The following BICRA variants were observed in gnomAD, a reference collection of about 807,000 sequenced individuals.
BICRA encodes BRD4 interacting chromatin remodeling complex associated protein.
Under a neutral mutation model 96.9 loss-of-function variants are expected in BICRA, and 31 were observed. The ratio of observed to expected loss-of-function variants is 0.32; its 90% CI spans 0.24 to 0.43. BICRA has a LOEUF of 0.43. Among genes scored for constraint, BICRA ranks in the 20% least tolerant of loss-of-function variants. The pLI, the probability that BICRA is intolerant of heterozygous loss-of-function variation, is 1.00. For synonymous variants in BICRA, 1,350 were observed against 1,071.8 expected (o/e 1.26, Z -5.07); for missense variants, 2,283 against 2,190.3 (o/e 1.04, Z -0.84).
chr19:47,613,879 A>G (rs1599777612), intron 1 of BICRA, among the ~76,000 whole-genome samples: 1 of 151,802 alleles, frequency 6.6e-6, no homozygotes, highest in East Asian at 1.9e-4. Context: ...AGGCATTTCT[A>G]GTTTGGTGAC....
At chr19:47,639,580 G>A (rs1229179805) in intron 1 of BICRA, among the ~76,000 whole-genome samples, 1 of 148,912 alleles carries the variant, frequency 6.7e-6, no homozygotes, top group African/African-American at 2.5e-5. Context: ...CGCCCGTCTT[G>A]GCCTCCCAAA....
intron 1 of BICRA, among the ~76,000 whole-genome samples, chr19:47,623,976 C>T (rs77358744): frequency 0.039 from 5,998 of 151,944 alleles, 351 homozygotes; most frequent in African/African-American, 0.13. Context: ...CTCAGCTCCC[C>T]GAGTAGCTGG....
intron 5 of BICRA, among the ~76,000 whole-genome samples, chr19:47,677,629 A>T (rs1972961598): frequency 6.6e-6 from 1 of 152,138 alleles, no homozygotes; most frequent in Non-Finnish European, 1.5e-5. Context: ...TCGTGGGCGG[A>T]GATTGTGGTG....
intron 7 of BICRA, among the ~76,000 whole-genome samples, chr19:47,691,156 A>C (rs776575929): frequency 1.3e-5 from 2 of 152,212 alleles, no homozygotes; most frequent in Non-Finnish European, 2.9e-5. Flanking sequence ...TCCCACGCTC[A>C]CTTGTGTGGC....
intron 1 of BICRA, among the ~76,000 whole-genome samples, chr19:47,655,237 C>T (rs1349769918): frequency 6.6e-6 from 1 of 151,924 alleles, no homozygotes; most frequent in Non-Finnish European, 1.5e-5. Context: ...TAAAATGTCC[C>T]CAGTTTGGCC....
intron 2 of BICRA, among the ~76,000 whole-genome samples, chr19:47,671,696 T>C (rs1394316142): frequency 7.6e-6 from 1 of 131,470 alleles, no homozygotes; most frequent in Non-Finnish European, 1.6e-5. Context: ...GGTAGAAGGA[T>C]GGAGGGATGG....
At position 47,677,435 on chromosome 19, in the gene BICRA, G is replaced by A. The variant is rs1296760921; in HGVS notation, c.150+1519G>A. Among the ~76,000 whole-genome samples, 6 of 152,190 alleles carry A rather than the reference G, an allele frequency of 3.9e-5. No homozygotes were observed. The East Asian group carries it at 7.7e-4, about 20-fold the overall frequency. On this transcript the variant is annotated intron_variant, in intron 5 of 14. Coordinates refer to ENST00000594866, the MANE Select transcript of BICRA (RefSeq NM_001394372.1). ...ATTGAGGCTGGGCACGGTGGCTCAC[G>A]CCTGTAATCCCAGCACTTTGGGAGG...
intron 1 of BICRA, among the ~76,000 whole-genome samples, chr19:47,669,324 A>G (rs1436389415): frequency 2.0e-5 from 3 of 152,162 alleles, no homozygotes; most frequent in African/African-American, 7.2e-5. Flanking sequence ...AGAAACGCAT[A>G]TAAGTCAAGG....
chr19:47,637,571 G>T (rs1428986884), intron 1 of BICRA, among the ~76,000 whole-genome samples: 1 of 152,166 alleles, frequency 6.6e-6, no homozygotes, highest in Admixed American at 6.6e-5. Flanking sequence ...ATCCAGCCAT[G>T]TAAAGGGTAC....
At chr19:47,620,567 C>A (rs866114091) in intron 1 of BICRA, among the ~76,000 whole-genome samples, 47 of 144,476 alleles carry the variant, frequency 3.3e-4, no homozygotes, top group Admixed American at 1.5e-4. Context: ...ACTTGGGAAG[C>A]TGAGAGGTGG....
chr19:47,625,541 C>G (rs1244595026), intron 1 of BICRA, among the ~76,000 whole-genome samples: 1 of 152,144 alleles, frequency 6.6e-6, no homozygotes, highest in African/African-American at 2.4e-5. Flanking sequence ...AAACCCCTAA[C>G]TGATACTGAA....
intron 1 of BICRA, among the ~76,000 whole-genome samples, chr19:47,650,166 C>G (rs1330361055): frequency 6.6e-6 from 1 of 151,962 alleles, no homozygotes; most frequent in Non-Finnish European, 1.5e-5. Context: ...GAGTCTTGCT[C>G]TGTCACCTAG....
Position 47,694,147 on chromosome 19 carries a change from C to T in BICRA, c.2316C>T (p.Gly772=), listed in dbSNP as rs1468788971. 2 of 1,498,064 alleles carry T rather than the reference C, an allele frequency of 1.3e-6. No individual in the cohort carries two copies. Among genetic ancestry groups the T allele is most frequent in the Non-Finnish European group, 1.8e-6 (2 of 1,118,100 alleles). 92.8% of individuals were successfully genotyped at this position (1,498,064 alleles called of 1,614,324 possible). A position where few individuals can be genotyped will look rare whatever the true frequency, so the allele number is the denominator to read the frequency against. Residue 772 remains glycine, a synonymous_variant, in exon 8 of 15, where the codon GGC becomes GGT. Coordinates refer to ENST00000594866, the MANE Select transcript of BICRA (RefSeq NM_001394372.1). ...IPAAAPLKGP[G]PSSSPSLPHQ... is the part of the protein sequence containing the mutation. Reference sequence around the variant, plus strand: ...CAGCGGCTCCGCTGAAGGGCCCAGGCCCCTCTTCGTCCCCGTCACTACCTC... The same window carrying T: ...CAGCGGCTCCGCTGAAGGGCCCAGGTCCCTCTTCGTCCCCGTCACTACCTC...
intron 14 of BICRA, chr19:47,700,984 G>A (rs996378198): frequency 1.1e-5 from 4 of 367,044 alleles, no homozygotes; most frequent in South Asian, 1.0e-4. Flanking sequence ...CACTACTGTG[G>A]CCAGGCAGGT....
At position 47,699,015 on chromosome 19, in the gene BICRA, G is replaced by T. The variant is rs775015215; in HGVS notation, c.3448G>T (p.Ala1150Ser). 5 of 1,587,258 alleles carry T rather than the reference G, an allele frequency of 3.2e-6. No homozygotes were observed. The highest frequency in any genetic ancestry group is 1.7e-4 in the Middle Eastern group (1 of 6,048). The change falls in exon 13 of 15, where the codon GCC becomes TCC. Residue 1150 changes from alanine (A) to serine (S), a missense_variant. Physicochemically the swap from Ala to Ser is moderately conservative, Grantham distance 99. Transcript: ENST00000594866. This position sits in a 1 kb window ranked among gnomAD's most constrained non-coding sequence, Gnocchi z 5.0. Reference sequence around the variant, plus strand: ...CACGCAGCTGCTGAAACGCACCCAGGCCATGCTCAATAAATATCGGCTCCT... The same window carrying T: ...CACGCAGCTGCTGAAACGCACCCAGTCCATGCTCAATAAATATCGGCTCCT... ...VSTQLLKRTQ[A>S]MLNKYRLLLL...
At chr19:47,652,345 C>G (rs1220306270) in intron 1 of BICRA, among the ~76,000 whole-genome samples, 1 of 152,064 alleles carries the variant, frequency 6.6e-6, no homozygotes, top group African/African-American at 2.4e-5. Flanking sequence ...GCCACCACAC[C>G]CAGCTATTTT....
rs774387016 is a variant in BICRA at position 47,653,546 on chromosome 19, G to A, written c.-107-16897G>A. ...CCTCCCCGCAGTCCTTAGCAACCAC[G>A]CATCTACTTTCGGTCTCTCTGGGTT... On this transcript the variant is annotated intron_variant, in intron 1 of 14. Transcript: ENST00000594866. 5.7e-4 allele frequency among the ~76,000 whole-genome samples: 86 copies of A among 152,046 alleles called. 1 individual carries two copies. The highest frequency in any genetic ancestry group is 9.9e-4 in the Non-Finnish European group (67 of 68,020).
chr19:47,685,809 A>G (rs1403932947), intron 7 of BICRA, among the ~76,000 whole-genome samples: 1 of 136,856 alleles, frequency 7.3e-6, no homozygotes, highest in East Asian at 2.6e-4. Context: ...GCATGCGTAC[A>G]TTTTCCCTTT....
intron 1 of BICRA, among the ~76,000 whole-genome samples, chr19:47,632,102 G>A (rs1972229764): frequency 6.6e-6 from 1 of 152,244 alleles, no homozygotes; most frequent in African/African-American, 2.4e-5. Context: ...AGCCATGGGA[G>A]GGCTTTGAGC....
Sources: allele counts gnomAD v4.1 joint callset (sites outside exome capture counted in the v4.1 genomes callset), GRCh38; gene constraint gnomAD v4.1.1; non-coding constraint Gnocchi (gnomAD v3.1); transcripts MANE v1.5; gene names NCBI Gene and HGNC (gene_info 2026-07-23, HGNC 2026-07-21).